The following CAMK2D variants were observed in gnomAD, a reference collection of about 807,000 sequenced individuals.
CAMK2D encodes the protein calcium/calmodulin dependent protein kinase II delta.
In CAMK2D, 37 loss-of-function variants were observed where a neutral mutation model predicts 84.0. The ratio of observed to expected loss-of-function variants is 0.44; its 90% CI spans 0.34 to 0.58. The LOEUF (loss-of-function observed/expected upper bound fraction) is 0.58. Ranked by LOEUF, CAMK2D falls within the 20% of genes least tolerant of loss-of-function variation. CAMK2D has a pLI of 0.02. For missense variants in CAMK2D, 448 were observed against 652.5 expected (o/e 0.69, Z 3.41); for synonymous variants, 202 against 212.5 (o/e 0.95, Z 0.43).
intron 3 of CAMK2D, among the ~76,000 whole-genome samples, chr4:113,609,735 G>C (rs1283662272): frequency 1.3e-5 from 2 of 152,116 alleles, no homozygotes; most frequent in African/African-American, 2.4e-5. Flanking sequence ...AGAAGTTCTA[G>C]GTGGCACTCC....
intron 2 of CAMK2D, among the ~76,000 whole-genome samples, chr4:113,707,519 G>A (rs535414811): frequency 3.3e-5 from 5 of 152,264 alleles, no homozygotes; most frequent in Admixed American, 2.6e-4. Flanking sequence ...GAAAATTGTG[G>A]AATCTTTTCT....
At chr4:113,520,206 G>A (rs567590979) in intron 8 of CAMK2D, among the ~76,000 whole-genome samples, 14 of 151,972 alleles carry the variant, frequency 9.2e-5, no homozygotes, top group East Asian at 1.9e-4. Context: ...AGGTGATCAC[G>A]ACCAGCCTGG....
chr4:113,572,671 T>A (rs897622149), intron 4 of CAMK2D, among the ~76,000 whole-genome samples: 3 of 152,202 alleles, frequency 2.0e-5, no homozygotes, highest in African/African-American at 7.2e-5. Context: ...GAAACCCTTA[T>A]GCGTTGTTGG....
intron 2 of CAMK2D, among the ~76,000 whole-genome samples, chr4:113,693,106 T>C (rs1159467857): frequency 1.3e-5 from 2 of 152,098 alleles, no homozygotes; most frequent in African/African-American, 2.4e-5. Flanking sequence ...AAGCCAACCT[T>C]TCTGAGGGAT....
intron 19 of CAMK2D, among the ~76,000 whole-genome samples, chr4:113,456,363 T>G (rs2097303464): frequency 6.6e-6 from 1 of 152,200 alleles, no homozygotes; most frequent in African/African-American, 2.4e-5. Context: ...AAACTCTTCT[T>G]GTTTTCATCT....
chr4:113,679,386 GT>G (rs2099331241), intron 2 of CAMK2D: 3 of 805,154 alleles, frequency 3.7e-6, no homozygotes, highest in Non-Finnish European at 3.0e-6. Context: ...ACATGCGGTT[GT>G]TTTTTAAATA....
intron 13 of CAMK2D, among the ~76,000 whole-genome samples, chr4:113,508,723 A>C (rs1308778752): frequency 6.6e-6 from 1 of 152,224 alleles, no homozygotes; most frequent in Non-Finnish European, 1.5e-5. Flanking sequence ...GCACACAGAC[A>C]GGTGGTAAAG....
rs1304186408 is a variant in CAMK2D, at chr4:113,584,031, C to T, written c.275+25121G>A. ...GGGGTATGGAGAAATCTGATTCTTGCATTTACATTATAAAACCCCAACATA... is the reference window on the plus strand; with the variant it reads ...GGGGTATGGAGAAATCTGATTCTTGTATTTACATTATAAAACCCCAACATA... On this transcript the variant is annotated intron_variant, in intron 4 of 20. Transcript: ENST00000511664. 2.0e-5 allele frequency among the ~76,000 whole-genome samples: 3 copies of T among 152,180 alleles called. No homozygotes were observed. In the South Asian group the frequency reaches 6.2e-4, roughly 31 times the overall value.
At chr4:113,736,227 C>A (rs949595021) in intron 2 of CAMK2D, among the ~76,000 whole-genome samples, 1 of 151,526 alleles carries the variant, frequency 6.6e-6, no homozygotes, top group Non-Finnish European at 1.5e-5. Flanking sequence ...TCCAAGACAT[C>A]CAACTTACTC....
At chr4:113,640,517 G>C (rs1293886704) in intron 3 of CAMK2D, among the ~76,000 whole-genome samples, 1 of 152,188 alleles carries the variant, frequency 6.6e-6, no homozygotes, top group African/African-American at 2.4e-5. Flanking sequence ...TATCAGAAAA[G>C]TTAGATGATT....
chr4:113,560,838 A>G (rs1009995276), intron 4 of CAMK2D, among the ~76,000 whole-genome samples: 4 of 152,152 alleles, frequency 2.6e-5, no homozygotes, highest in African/African-American at 9.7e-5. Flanking sequence ...CACCACTGCT[A>G]TATAGATTCA....
chr4:113,495,440 T>C (rs2158196), intron 16 of CAMK2D, among the ~76,000 whole-genome samples: 76,967 of 151,592 alleles, frequency 0.51, 20,070 homozygotes, highest in African/African-American at 0.58. Flanking sequence ...CCTTAGGAAA[T>C]CCCACACAGA....
chr4:113,686,863 C>T (rs977985076), intron 2 of CAMK2D, among the ~76,000 whole-genome samples: 1 of 58,640 alleles, frequency 1.7e-5, no homozygotes, highest in Non-Finnish European at 3.3e-5. Context: ...TATGTGTATA[C>T]ACACACACAC....
At chr4:113,677,392 A>C (rs1335346975) in intron 2 of CAMK2D, 1 of 156,534 alleles carries the variant, frequency 6.4e-6, no homozygotes, top group African/African-American at 2.4e-5. Flanking sequence ...TGTATGATCT[A>C]CAGCAAATAC....
At chr4:113,686,046 G>C (rs1323666228) in intron 2 of CAMK2D, among the ~76,000 whole-genome samples, 1 of 147,852 alleles carries the variant, frequency 6.8e-6, no homozygotes, top group Non-Finnish European at 1.5e-5. Context: ...CTGGGCAACA[G>C]AAAGAGATTC....
In CAMK2D at chr4:113,522,518, G is replaced by A. The variant is rs60199244; in HGVS notation, c.602-4861C>T. 5.1e-3 allele frequency among the ~76,000 whole-genome samples: 780 copies of A among 152,296 alleles called. 7 individuals carry two copies. The highest frequency in any genetic ancestry group is 0.018 in the African/African-American group (728 of 41,566). On this transcript the variant is annotated intron_variant, in intron 8 of 20. Coordinates refer to ENST00000511664, the MANE Select transcript of CAMK2D (RefSeq NM_001321571.2). Reference sequence around the variant, plus strand: ...CTAGAAGATCAATGCCAGCAAGATAGGAAGGCATGTTTCAGAGGATGGAAA... The same window carrying A: ...CTAGAAGATCAATGCCAGCAAGATAAGAAGGCATGTTTCAGAGGATGGAAA...
At chr4:113,511,497 T>G (rs373513483) in intron 12 of CAMK2D, among the ~76,000 whole-genome samples, 1 of 152,146 alleles carries the variant, frequency 6.6e-6, no homozygotes, top group African/African-American at 2.4e-5. Flanking sequence ...TTTAACAAAA[T>G]GTACAGTTTT....
Position 113,517,572 on chromosome 4 carries a change from T to G in CAMK2D, c.687A>C (p.Gly229=). The G allele has an allele frequency of 6.5e-7, 1 of 1,538,554 alleles. No homozygotes were observed. The highest frequency in any genetic ancestry group is 9.0e-7 in the Non-Finnish European group (1 of 1,113,816). The change falls in exon 9 of 21, where the codon GGA becomes GGC. Residue 229 remains glycine (G), a synonymous_variant. Coordinates refer to ENST00000511664, the MANE Select transcript of CAMK2D (RefSeq NM_001321571.2). ...AATAGTTATTACATACATCATAAGC[T>G]CCAGCCTTGATCTGCTGATAGAGTC... ...QHRLYQQIKA[G]AYDFPSPEWD...
intron 3 of CAMK2D, among the ~76,000 whole-genome samples, chr4:113,625,670 G>A (rs752809113): frequency 1.3e-5 from 2 of 152,104 alleles, no homozygotes; most frequent in Non-Finnish European, 2.9e-5. Context: ...TGTGAGTATC[G>A]GGGGTGTGAG....
Sources: allele counts gnomAD v4.1 joint callset (sites outside exome capture counted in the v4.1 genomes callset), GRCh38; gene constraint gnomAD v4.1.1; transcripts MANE v1.5; gene names NCBI Gene and HGNC (gene_info 2026-07-23, HGNC 2026-07-21).